The following CADM1 variants were observed in gnomAD, a reference collection of about 807,000 sequenced individuals.
CADM1 encodes the protein TSLC-1.
Under a neutral mutation model 53.1 loss-of-function variants are expected in CADM1, and 15 were observed. That is an observed-to-expected ratio of 0.28 (90% CI 0.19 to 0.44). The LOEUF is 0.44. Ranked by LOEUF, CADM1 falls within the 20% of genes least tolerant of loss-of-function variation. The pLI is 1.00. For synonymous variants in CADM1, 281 were observed against 243.0 expected (o/e 1.16, Z -1.45); for missense variants, 434 against 611.3 (o/e 0.71, Z 3.06).
In CADM1 at chr11:115,209,591, ATGGTGGTGG is replaced by A. The variant is rs747352768; in HGVS notation, c.1052_1060del (p.Thr351_Thr353del). On this transcript the variant is annotated inframe_deletion, in exon 8 of 12. Coordinates refer to ENST00000331581, the MANE Select transcript of CADM1 (RefSeq NM_001301043.2). ...TACCATACCTGTGATGATGGTAAGG[ATGGTGGTGG>A]TGGTGGTGGTGGTGGTGGTGGTGGT... 714 of 924,982 alleles carry A rather than the reference ATGGTGGTGG, an allele frequency of 7.7e-4. 1 individual carries two copies. The East Asian group carries it at 0.014, about 18-fold the overall frequency. The allele number at this position is 924,982 out of a possible 1,614,324, so 57.3% of individuals were successfully genotyped here. A position where few individuals can be genotyped will look rare whatever the true frequency, so the allele number is the denominator to read the frequency against.
At chr11:115,297,829 C>G (rs1346335531) in intron 1 of CADM1, among the ~76,000 whole-genome samples, 2 of 152,158 alleles carry the variant, frequency 1.3e-5, no homozygotes, top group Non-Finnish European at 2.9e-5. Flanking sequence ...AGACAGAACA[C>G]TGGGGTTTAA....
chr11:115,184,429 CCAATT>C (rs1283425601), intron 10 of CADM1, among the ~76,000 whole-genome samples: 1 of 152,172 alleles, frequency 6.6e-6, no homozygotes, highest in Non-Finnish European at 1.5e-5. Context: ...TTTCTCAGCA[CCAATT>C]CAATTATAGA....
intron 9 of CADM1, among the ~76,000 whole-genome samples, chr11:115,193,316 A>C (rs1939984528): frequency 6.6e-6 from 1 of 152,234 alleles, no homozygotes; most frequent in Non-Finnish European, 1.5e-5. Context: ...TGTATTCAAC[A>C]TATGTCTTTA....
At chr11:115,244,433 G>C (rs1379093389) in intron 1 of CADM1, among the ~76,000 whole-genome samples, 1 of 152,194 alleles carries the variant, frequency 6.6e-6, no homozygotes, top group East Asian at 1.9e-4. Flanking sequence ...GAGGTGACAA[G>C]GCAAATCTTA....
At chr11:115,187,625 G>GA (rs1939628485) in intron 10 of CADM1, among the ~76,000 whole-genome samples, 1 of 152,266 alleles carries the variant, frequency 6.6e-6, no homozygotes, top group African/African-American at 2.4e-5. Context: ...GTTTTTAGTA[G>GA]AGATGGGGTT....
At chr11:115,424,395 G>T (rs1259011250) in intron 1 of CADM1, among the ~76,000 whole-genome samples, 1 of 152,176 alleles carries the variant, frequency 6.6e-6, no homozygotes. Context: ...GGATATTTTG[G>T]TAGAATTCTC....
At chr11:115,390,803 G>C (rs956372767) in intron 1 of CADM1, among the ~76,000 whole-genome samples, 14 of 152,100 alleles carry the variant, frequency 9.2e-5, no homozygotes, top group African/African-American at 3.1e-4. Context: ...ACATTTGTGA[G>C]CATTTAATTG....
At chr11:115,410,655 A>T (rs552656205) in intron 1 of CADM1, among the ~76,000 whole-genome samples, 12 of 152,358 alleles carry the variant, frequency 7.9e-5, no homozygotes, top group Admixed American at 5.9e-4. Context: ...GTTTAAAAAA[A>T]GGGAAATTTA....
Position 115,452,104 on chromosome 11 carries a change from A to G in CADM1, c.124+52167T>C, listed in dbSNP as rs147137971. ...ACTTGTTAACTATCTTGACCACGTT[A>G]ATTTCTTTTTTAAAATTTCTAAGGT... On this transcript the variant is annotated intron_variant, in intron 1 of 11. Coordinates refer to ENST00000331581, the MANE Select transcript of CADM1 (RefSeq NM_001301043.2). 7.6e-3 allele frequency among the ~76,000 whole-genome samples: 957 copies of G among 125,974 alleles called. 14 individuals are homozygous for G. Among genetic ancestry groups the G allele is most frequent in the African/African-American group, 0.027 (881 of 33,044 alleles). The allele number at this position is 125,974 out of a possible 152,430, so 82.6% of individuals were successfully genotyped here. A position where few individuals can be genotyped will look rare whatever the true frequency, so the allele number is the denominator to read the frequency against.
intron 1 of CADM1, among the ~76,000 whole-genome samples, chr11:115,372,242 T>C (rs911211528): frequency 6.6e-6 from 1 of 152,228 alleles, no homozygotes; most frequent in African/African-American, 2.4e-5. Context: ...CTTTATGTCT[T>C]GGCTAACAAA....
At chr11:115,292,278 G>A (rs976652044) in intron 1 of CADM1, among the ~76,000 whole-genome samples, 1 of 152,234 alleles carries the variant, frequency 6.6e-6, no homozygotes, top group African/African-American at 2.4e-5. Context: ...CTGTAAGACT[G>A]TATCATTTCA....
At chr11:115,387,164 T>C (rs910953169) in intron 1 of CADM1, among the ~76,000 whole-genome samples, 3 of 152,178 alleles carry the variant, frequency 2.0e-5, no homozygotes, top group Non-Finnish European at 2.9e-5. Flanking sequence ...TTCTTCTCTT[T>C]GAATATCTAA....
At chr11:115,330,433 C>T (rs1354280946) in intron 1 of CADM1, among the ~76,000 whole-genome samples, 1 of 152,076 alleles carries the variant, frequency 6.6e-6, no homozygotes, top group Admixed American at 6.5e-5. Context: ...TTTAATTATT[C>T]ATCTATAATG....
chr11:115,489,187 A>G (rs1455127560), intron 1 of CADM1, among the ~76,000 whole-genome samples: 6 of 152,260 alleles, frequency 3.9e-5, no homozygotes, highest in African/African-American at 1.4e-4. Flanking sequence ...CTGGACTGCT[A>G]GACTAAATCT....
chr11:115,337,768 A>C (rs1945306305), intron 1 of CADM1, among the ~76,000 whole-genome samples: 1 of 152,160 alleles, frequency 6.6e-6, no homozygotes, highest in Non-Finnish European at 1.5e-5. Context: ...AGTAGTGATA[A>C]TAATGCTGTT....
intron 1 of CADM1, among the ~76,000 whole-genome samples, chr11:115,332,605 T>C (rs1196482752): frequency 1.3e-5 from 2 of 152,050 alleles, no homozygotes. Flanking sequence ...GTTGGAATGG[T>C]ATGGCACTTA....
intron 11 of CADM1, among the ~76,000 whole-genome samples, chr11:115,177,883 G>A (rs1378605982): frequency 1.3e-5 from 2 of 152,136 alleles, no homozygotes; most frequent in Non-Finnish European, 2.9e-5. Flanking sequence ...CAGTCAAGCA[G>A]TATGCAAGCA....
At chr11:115,272,305 A>G (rs1484385380) in intron 1 of CADM1, among the ~76,000 whole-genome samples, 1 of 152,210 alleles carries the variant, frequency 6.6e-6, no homozygotes, top group Non-Finnish European at 1.5e-5. Context: ...CAAGTTCAGA[A>G]ATCAGTGAAC....
chr11:115,459,667 G>C (rs1948753759), intron 1 of CADM1, among the ~76,000 whole-genome samples: 1 of 152,128 alleles, frequency 6.6e-6, no homozygotes, highest in African/African-American at 2.4e-5. Context: ...TAGTGAACCT[G>C]AAGAGACTAA....
Sources: gnomAD v4.1 joint callset for allele counts (sites outside exome capture counted in the v4.1 genomes callset) on GRCh38, gnomAD v4.1.1 for gene constraint, MANE v1.5 for transcripts, NCBI Gene and HGNC (gene_info 2026-07-23, HGNC 2026-07-21) for gene names.